Variants in DPP6 observed in about 807,000 individuals in gnomAD.
DPP6 encodes the protein A-type potassium channel modulatory protein DPP6.
Under a neutral mutation model 122.6 loss-of-function variants are expected in DPP6, and 69 were observed. The observed-to-expected ratio is 0.56, with a 90% CI of 0.46 to 0.69. DPP6 has a LOEUF of 0.69. Ranked by LOEUF, DPP6 falls within the 30% of genes least tolerant of loss-of-function variation. The probability of loss-of-function intolerance (pLI) is 0.00; values close to 1 mark genes in which losing one functional copy is unlikely to be tolerated. For synonymous variants in DPP6, 418 were observed against 433.1 expected (o/e 0.97, Z 0.43); for missense variants, 928 against 1,116.9 (o/e 0.83, Z 2.41).
intron 1 of DPP6, among the ~76,000 whole-genome samples, chr7:154,291,381 A>T (rs1418697002): frequency 6.6e-6 from 1 of 152,204 alleles, no homozygotes; most frequent in African/African-American, 2.4e-5. Context: ...CCCTACCCCT[A>T]GAAGTGAAAA....
chr7:154,256,487 G>A (rs916508539), intron 1 of DPP6, among the ~76,000 whole-genome samples: 1 of 152,180 alleles, frequency 6.6e-6, no homozygotes, highest in African/African-American at 2.4e-5. Flanking sequence ...TTGAAAACAC[G>A]TTTCTTCCAA....
intron 21 of DPP6, among the ~76,000 whole-genome samples, chr7:154,881,958 A>AT (rs1805424034): frequency 6.6e-6 from 1 of 152,162 alleles, no homozygotes; most frequent in South Asian, 2.1e-4. Flanking sequence ...TTGGGTGTCA[A>AT]TAGCCATCAC....
At chr7:153,980,378 G>T (rs1217962447) in intron 1 of DPP6, among the ~76,000 whole-genome samples, 2 of 151,834 alleles carry the variant, frequency 1.3e-5, no homozygotes, top group Non-Finnish European at 2.9e-5. Context: ...ATTTTGTGTG[G>T]GATCAGTGTT....
Position 154,082,871 on chromosome 7 carries a change from T to C in DPP6, c.243+29808T>C, listed in dbSNP as rs1241584706. Reference sequence around the variant, plus strand: ...CTTTTTTTTTTTTTTTTTTTTGAGATGGAGTCTCACTCTGTCACCCAGGCT... The same window carrying C: ...CTTTTTTTTTTTTTTTTTTTTGAGACGGAGTCTCACTCTGTCACCCAGGCT... On this transcript the variant is annotated intron_variant, in intron 1 of 25. Coordinates refer to ENST00000377770, the MANE Select transcript of DPP6 (RefSeq NM_130797.4). Among the ~76,000 whole-genome samples, 5 of 140,256 alleles carry C rather than the reference T, an allele frequency of 3.6e-5. No homozygotes were observed. In the East Asian group the frequency reaches 6.4e-4, roughly 18 times the overall value. 92.0% of individuals were successfully genotyped at this position (140,256 alleles called of 152,430 possible).
chr7:153,852,393 C>G, the DPP6 span, among the ~76,000 whole-genome samples: 1 of 152,108 alleles, frequency 6.6e-6, no homozygotes, highest in Non-Finnish European at 1.5e-5. Flanking sequence ...AAAGGGGGAG[C>G]AGGCATCTCA....
At position 154,198,058 on chromosome 7, in the gene DPP6, G is replaced by T. The variant is rs578221722; in HGVS notation, c.243+144995G>T. Among the ~76,000 whole-genome samples, 12 of 152,312 alleles carry T rather than the reference G, an allele frequency of 7.9e-5. No individual in the cohort carries two copies. The South Asian group carries it at 2.5e-3, about 32-fold the overall frequency. On this transcript the variant is annotated intron_variant, in intron 1 of 25. Transcript: ENST00000377770. Reference sequence around the variant, plus strand: ...CCATCCATTCAGTGCTCCCACTGAGGTCTTGGAGTATGGCCCAGATGGCTG... The same window carrying T: ...CCATCCATTCAGTGCTCCCACTGAGTTCTTGGAGTATGGCCCAGATGGCTG...
At chr7:154,316,925 G>A (rs1585916583) in intron 1 of DPP6, among the ~76,000 whole-genome samples, 1 of 152,162 alleles carries the variant, frequency 6.6e-6, no homozygotes, top group African/African-American at 2.4e-5. Flanking sequence ...GGTAGGCAGC[G>A]TTGGACAAGT....
intron 1 of DPP6, among the ~76,000 whole-genome samples, chr7:153,963,793 T>G (rs1007969638): frequency 1.3e-5 from 2 of 152,114 alleles, no homozygotes; most frequent in Non-Finnish European, 2.9e-5. Context: ...CCGTGTCCCA[T>G]CCATGGACAA....
chr7:154,090,997 T>G (rs1490947391), intron 1 of DPP6, among the ~76,000 whole-genome samples: 7 of 150,868 alleles, frequency 4.6e-5, no homozygotes, highest in Non-Finnish European at 1.0e-4. Context: ...GGCGGGTGCC[T>G]GTAGTCCCAG....
chr7:154,607,511 G>A (rs1833628652), intron 5 of DPP6, among the ~76,000 whole-genome samples: 1 of 87,614 alleles, frequency 1.1e-5, no homozygotes, highest in African/African-American at 3.6e-5. Flanking sequence ...GCAGTGAGCC[G>A]AGATCGCGCC....
intron 16 of DPP6, among the ~76,000 whole-genome samples, chr7:154,820,834 T>C (rs1351280836): frequency 6.6e-6 from 1 of 152,166 alleles, no homozygotes; most frequent in Non-Finnish European, 1.5e-5. Flanking sequence ...AGAAACCTAA[T>C]GAGTGTAATT....
rs116457710 is a variant in DPP6, at chr7:154,359,246, G to C, written c.244-86968G>C. ...TGTCTCCATGTGCAATATCAGTCATGTGAAGCCTTAACAAGGCATTCATTT... is the reference window on the plus strand; with the variant it reads ...TGTCTCCATGTGCAATATCAGTCATCTGAAGCCTTAACAAGGCATTCATTT... On this transcript the variant is annotated intron_variant, in intron 1 of 25. Coordinates refer to ENST00000377770, the MANE Select transcript of DPP6 (RefSeq NM_130797.4). 2.0e-3 allele frequency among the ~76,000 whole-genome samples: 299 copies of C among 152,332 alleles called. 3 individuals are homozygous for C. The highest frequency in any genetic ancestry group is 7.1e-3 in the African/African-American group (294 of 41,576).
intron 16 of DPP6, among the ~76,000 whole-genome samples, chr7:154,852,779 G>A (rs543677159): frequency 6.6e-6 from 1 of 152,358 alleles, no homozygotes; most frequent in African/African-American, 2.4e-5. Context: ...GTGTGGTAAT[G>A]AGTTCTACAA....
At chr7:154,595,274 T>C (rs951402448) in intron 5 of DPP6, among the ~76,000 whole-genome samples, 4 of 152,140 alleles carry the variant, frequency 2.6e-5, no homozygotes, top group African/African-American at 7.2e-5. Flanking sequence ...CTTCCCCTTA[T>C]GCTTCCTTTC....
chr7:153,979,303 G>A (rs1465013350), intron 1 of DPP6, among the ~76,000 whole-genome samples: 3 of 152,242 alleles, frequency 2.0e-5, no homozygotes, highest in Non-Finnish European at 4.4e-5. Context: ...TCTCTTTGAA[G>A]CAATTGTGAA....
chr7:154,766,692 C>T (rs901116103), intron 8 of DPP6, among the ~76,000 whole-genome samples: 5 of 152,244 alleles, frequency 3.3e-5, no homozygotes, highest in African/African-American at 1.2e-4. Context: ...TGGAAACACT[C>T]TGGCATTTGC....
intron 1 of DPP6, among the ~76,000 whole-genome samples, chr7:153,974,660 A>G (rs554936959): frequency 6.9e-4 from 105 of 152,330 alleles, no homozygotes; most frequent in African/African-American, 2.5e-3. Flanking sequence ...ACTCCAACAC[A>G]GGGCCCTGAG....
chr7:154,605,850 T>C (rs898691660), intron 5 of DPP6, among the ~76,000 whole-genome samples: 2 of 119,896 alleles, frequency 1.7e-5, no homozygotes, highest in Non-Finnish European at 3.8e-5. Context: ...CTCTATTATT[T>C]TAGCTGGATC....
At chr7:154,220,548 C>T (rs1026079690) in intron 1 of DPP6, among the ~76,000 whole-genome samples, 1 of 152,056 alleles carries the variant, frequency 6.6e-6, no homozygotes, top group African/African-American at 2.4e-5. Flanking sequence ...AACAAACCTG[C>T]CCATGTGCCC....
Sources: gnomAD v4.1 joint callset for allele counts (sites outside exome capture counted in the v4.1 genomes callset) on GRCh38, gnomAD v4.1.1 for gene constraint, MANE v1.5 for transcripts, NCBI Gene and HGNC (gene_info 2026-07-23, HGNC 2026-07-21) for gene names.